ADK: variants seen among roughly 807,000 people sequenced by gnomAD.
The protein encoded by ADK is N6,N6-dimethyladenosine kinase.
A neutral mutation model predicts 44.7 loss-of-function variants in ADK; 24 were observed. That is an observed-to-expected ratio of 0.54 (90% CI 0.39 to 0.76). ADK has a LOEUF of 0.76. ADK is among the 30% of genes least tolerant of loss of function. The probability of loss-of-function intolerance (pLI) is 0.00; values close to 1 mark genes in which losing one functional copy is unlikely to be tolerated. For synonymous variants in ADK, 128 were observed against 142.6 expected, an observed-to-expected ratio of 0.90 and a Z score of 0.73; for missense variants, 321 against 425.1, an observed-to-expected ratio of 0.76 and a Z score of 2.15.
At chr10:74,464,690 A>T (rs930184873) in intron 6 of ADK, among the ~76,000 whole-genome samples, 1 of 152,142 alleles carries the variant, frequency 6.6e-6, no homozygotes, top group Non-Finnish European at 1.5e-5. Flanking sequence ...CAAGACATAC[A>T]TACAGAAGCA....
chr10:74,512,208 G>T (rs1239568174), intron 6 of ADK, among the ~76,000 whole-genome samples: 1 of 151,960 alleles, frequency 6.6e-6, no homozygotes, highest in Non-Finnish European at 1.5e-5. Flanking sequence ...GTATTTTGTT[G>T]TGGACTTTTG....
chr10:74,626,026 G>A (rs1226657563), intron 9 of ADK, among the ~76,000 whole-genome samples: 1 of 152,152 alleles, frequency 6.6e-6, no homozygotes, highest in Non-Finnish European at 1.5e-5. Flanking sequence ...ATCAACTAGT[G>A]TAGTTGATAA....
chr10:74,634,211 A>AT (rs778469705), intron 9 of ADK, among the ~76,000 whole-genome samples: 2,047 of 147,566 alleles, frequency 0.014, 14 homozygotes, highest in African/African-American at 0.024. Flanking sequence ...ATTTTTATTT[A>AT]TTTTTTTTTT....
intron 6 of ADK, among the ~76,000 whole-genome samples, chr10:74,486,302 C>T (rs1299940792): frequency 6.6e-6 from 1 of 152,142 alleles, no homozygotes; most frequent in African/African-American, 2.4e-5. Context: ...TGAGGTCACT[C>T]TAGCCATGTG....
intron 4 of ADK, among the ~76,000 whole-genome samples, chr10:74,387,666 T>C (rs1056009471): frequency 1.3e-5 from 2 of 152,152 alleles, no homozygotes; most frequent in Non-Finnish European, 2.9e-5. Context: ...CTCTCATGGG[T>C]ATTTTCCAGT....
intron 6 of ADK, among the ~76,000 whole-genome samples, chr10:74,469,042 A>G (rs1846460222): frequency 6.6e-6 from 1 of 152,070 alleles, no homozygotes; most frequent in Non-Finnish European, 1.5e-5. Context: ...CATATCATAA[A>G]ATTTCCCACT....
At chr10:74,285,305 T>C (rs570887609) in intron 3 of ADK, among the ~76,000 whole-genome samples, 4 of 152,108 alleles carry the variant, frequency 2.6e-5, no homozygotes, top group Non-Finnish European at 5.9e-5. Context: ...AAATGATAGA[T>C]TGGAAAATGA....
intron 6 of ADK, among the ~76,000 whole-genome samples, chr10:74,459,344 A>T (rs1218909599): frequency 1.3e-5 from 2 of 152,034 alleles, no homozygotes; most frequent in African/African-American, 4.8e-5. Flanking sequence ...AATTTAACAG[A>T]TTTCTTTAAT....
chr10:74,201,676 G>GTATC lies in ADK; in HGVS notation c.140+890_140+893dup, dbSNP rs58785624. ...TGTATGTATGTATGTATGTATGTAT[G>GTATC]TATCTATCTATCTATCTATCTATCT... On this transcript the variant is annotated intron_variant, in intron 2 of 10. Transcript: ENST00000539909. 7.1e-3 allele frequency among the ~76,000 whole-genome samples: 838 copies of GTATC among 117,470 alleles called. 7 individuals carry two copies. Among genetic ancestry groups the GTATC allele is most frequent in the Middle Eastern group, 0.014 (3 of 222 alleles). 77.1% of individuals were successfully genotyped at this position (117,470 alleles called of 152,430 possible). A position where few individuals can be genotyped will look rare whatever the true frequency, so the allele number is the denominator to read the frequency against.
chr10:74,632,674 C>T (rs1853483888), intron 9 of ADK, among the ~76,000 whole-genome samples: 2 of 152,180 alleles, frequency 1.3e-5, no homozygotes, highest in South Asian at 4.2e-4. Context: ...AGTGTGACCT[C>T]ATCTTAACTA....
rs969060365 is a variant in ADK at position 74,597,432 on chromosome 10, G to A, written c.763-2947G>A. 2.2e-4 allele frequency among the ~76,000 whole-genome samples: 34 copies of A among 152,076 alleles called. 1 individual carries two copies. Among genetic ancestry groups the A allele is most frequent in the East Asian group, 1.9e-4 (1 of 5,188 alleles). Reference sequence around the variant, plus strand: ...TACAGGCTTTATTCTGGTTTCAACCGTTTTTTCTCTAGTTTCCTTTTTCTG... The same window carrying A: ...TACAGGCTTTATTCTGGTTTCAACCATTTTTTCTCTAGTTTCCTTTTTCTG... On this transcript the variant is annotated intron_variant, in intron 8 of 10. Transcript: ENST00000539909.
rs370820681 is a variant in ADK, at chr10:74,510,734, G to T, written c.556-14522G>T. ...TCTTTGATCATTTTTTTGAGACAGGGTCTTGCTGTGTCACCCAGGCTGCAG... is the reference window on the plus strand; with the variant it reads ...TCTTTGATCATTTTTTTGAGACAGGTTCTTGCTGTGTCACCCAGGCTGCAG... On this transcript the variant is annotated intron_variant, in intron 6 of 10. Transcript: ENST00000539909. Among the ~76,000 whole-genome samples, 18 of 152,140 alleles carry T rather than the reference G, an allele frequency of 1.2e-4. No individual in the cohort carries two copies. In the East Asian group the frequency reaches 3.1e-3, roughly 26 times the overall value.
At chr10:74,533,952 A>G (rs969656049) in intron 7 of ADK, among the ~76,000 whole-genome samples, 2 of 152,230 alleles carry the variant, frequency 1.3e-5, no homozygotes, top group Non-Finnish European at 1.5e-5. Flanking sequence ...CTATAAAAGA[A>G]TTGTACTATT....
intron 3 of ADK, among the ~76,000 whole-genome samples, chr10:74,310,207 T>G (rs1009105870): frequency 7.2e-5 from 11 of 152,136 alleles, no homozygotes; most frequent in African/African-American, 2.2e-4. Context: ...TATAAATTAC[T>G]AAAATTCCCA....
At chr10:74,249,931 T>G (rs1052556539) in intron 3 of ADK, among the ~76,000 whole-genome samples, 1 of 152,206 alleles carries the variant, frequency 6.6e-6, no homozygotes, top group Non-Finnish European at 1.5e-5. Flanking sequence ...CCTGCACTCA[T>G]AGTTTATACT....
In ADK at chr10:74,188,331, C is replaced by T. The variant is rs143455324; in HGVS notation, c.66-12433C>T. On this transcript the variant is annotated intron_variant, in intron 1 of 10. Coordinates refer to ENST00000539909, the MANE Select transcript of ADK (RefSeq NM_006721.4). Reference sequence around the variant, plus strand: ...TGTTTTGTTGAATTTCTATTTTGGACATGTATTTTTAATTTTTTTTTTTTT... The same window carrying T: ...TGTTTTGTTGAATTTCTATTTTGGATATGTATTTTTAATTTTTTTTTTTTT... Among the ~76,000 whole-genome samples, 299 of 128,938 alleles carry T rather than the reference C, an allele frequency of 2.3e-3. 4 individuals carry two copies. The highest frequency in any genetic ancestry group is 0.011 in the African/African-American group (283 of 25,278). The allele number at this position is 128,938 out of a possible 152,430, so 84.6% of individuals were successfully genotyped here.
At chr10:74,288,012 A>T (rs1405054810) in intron 3 of ADK, among the ~76,000 whole-genome samples, 1 of 151,898 alleles carries the variant, frequency 6.6e-6, no homozygotes, top group Non-Finnish European at 1.5e-5. Context: ...GAGAAAAAAA[A>T]ATTTTTAAGT....
At position 74,152,448 on chromosome 10, in the gene ADK, C is replaced by T. The variant is rs76534290; in HGVS notation, c.65+1105C>T. ...CAACTATATGCAGAATAAAAAGCAA[C>T]GGCTTTTGAATCAGACCTACCTGAG... On this transcript the variant is annotated intron_variant, in intron 1 of 10. Transcript: ENST00000539909. Among the ~76,000 whole-genome samples, 3 of 152,076 alleles carry T rather than the reference C, an allele frequency of 2.0e-5. No individual in the cohort carries two copies. The East Asian group carries it at 5.8e-4, about 29-fold the overall frequency.
rs1419353972 is a variant in ADK, at chr10:74,685,908, ATAT to A, written c.964+15643_964+15645del. On this transcript the variant is annotated intron_variant, in intron 10 of 10. Coordinates refer to ENST00000539909, the MANE Select transcript of ADK (RefSeq NM_006721.4). The stretch of plus-strand genomic sequence containing the variant: ...AAGGAATTTTTTTTTTGTAAGGAAG[ATAT>A]TATAACAGTGGTTAAGACACTGGGT... 2.0e-5 allele frequency among the ~76,000 whole-genome samples: 3 copies of A among 152,008 alleles called. No individual in the cohort carries two copies. The East Asian group carries it at 5.8e-4, about 29-fold the overall frequency.
Sources: gnomAD v4.1 joint callset for allele counts (sites outside exome capture counted in the v4.1 genomes callset) on GRCh38, gnomAD v4.1.1 for gene constraint, MANE v1.5 for transcripts, NCBI Gene and HGNC (gene_info 2026-07-23, HGNC 2026-07-21) for gene names.